Variants in CNTNAP2 observed in about 807,000 individuals in gnomAD.
The protein encoded by CNTNAP2 is contactin-associated protein-like 2.
In CNTNAP2, 98 loss-of-function variants were observed where a neutral mutation model predicts 155.2. That is an observed-to-expected ratio of 0.63 (90% CI 0.54 to 0.75). The LOEUF (loss-of-function observed/expected upper bound fraction) is 0.75, where lower values mean the gene tolerates loss of function less well. Among genes scored for constraint, CNTNAP2 ranks in the 30% least tolerant of loss-of-function variants. The pLI, the probability that CNTNAP2 is intolerant of heterozygous loss-of-function variation, is 0.00. For missense variants in CNTNAP2, 1,727 were observed against 1,688.1 expected (o/e 1.02, Z -0.40); for synonymous variants, 651 against 631.2 (o/e 1.03, Z -0.47).
At chr7:147,324,121 G>A (rs564035246) in intron 9 of CNTNAP2, among the ~76,000 whole-genome samples, 29 of 152,194 alleles carry the variant, frequency 1.9e-4, no homozygotes, top group African/African-American at 6.5e-4. Context: ...TTTGGAATTA[G>A]GAAGCTGTCT....
At chr7:146,697,974 A>T (rs1246012830) in intron 1 of CNTNAP2, among the ~76,000 whole-genome samples, 7 of 151,920 alleles carry the variant, frequency 4.6e-5, no homozygotes, top group Non-Finnish European at 7.4e-5. Context: ...GTTTTTAGAG[A>T]TTACCTTAGC....
chr7:147,896,574 C>T (rs1024178484), intron 13 of CNTNAP2, among the ~76,000 whole-genome samples: 2 of 151,958 alleles, frequency 1.3e-5, no homozygotes, highest in African/African-American at 2.4e-5. Context: ...CACAGGGAGT[C>T]GAAGCTGTCT....
At chr7:147,196,229 T>C (rs886910861) in intron 8 of CNTNAP2, among the ~76,000 whole-genome samples, 1 of 152,138 alleles carries the variant, frequency 6.6e-6, no homozygotes, top group African/African-American at 2.4e-5. Context: ...CTGTGGTGCT[T>C]TGTTATGGCA....
chr7:147,922,162 C>T (rs1316394146), intron 14 of CNTNAP2, among the ~76,000 whole-genome samples: 1 of 152,048 alleles, frequency 6.6e-6, no homozygotes, highest in African/African-American at 2.4e-5. Context: ...TTACAAATAT[C>T]GAAAGGAAAA....
At chr7:147,294,178 C>T (rs1805372389) in intron 8 of CNTNAP2, among the ~76,000 whole-genome samples, 1 of 152,162 alleles carries the variant, frequency 6.6e-6, no homozygotes, top group South Asian at 2.1e-4. Flanking sequence ...TAAGGCAATT[C>T]TCCATTTTCC....
chr7:147,309,193 C>G (rs1435424390), intron 9 of CNTNAP2, among the ~76,000 whole-genome samples: 1 of 152,170 alleles, frequency 6.6e-6, no homozygotes, highest in Admixed American at 6.5e-5. Context: ...CTCTCATCCA[C>G]ATTTACATAG....
intron 8 of CNTNAP2, among the ~76,000 whole-genome samples, chr7:147,296,301 T>C (rs1805442682): frequency 6.6e-6 from 1 of 152,190 alleles, no homozygotes; most frequent in Non-Finnish European, 1.5e-5. Flanking sequence ...TACTTTGTAC[T>C]TTAAAGGGAA....
chr7:146,779,185 T>C (rs1585086443), intron 2 of CNTNAP2, among the ~76,000 whole-genome samples: 1 of 152,184 alleles, frequency 6.6e-6, no homozygotes, highest in East Asian at 1.9e-4. Context: ...CTCAGATGTA[T>C]CATTCCAGTT....
intron 9 of CNTNAP2, among the ~76,000 whole-genome samples, chr7:147,366,036 G>A (rs912490014): frequency 6.6e-6 from 1 of 152,114 alleles, no homozygotes; most frequent in Admixed American, 6.5e-5. Context: ...TATGGTGAAG[G>A]TCCTTTCCTT....
intron 21 of CNTNAP2, among the ~76,000 whole-genome samples, chr7:148,310,779 G>T (rs1398667550): frequency 6.6e-6 from 1 of 152,140 alleles, no homozygotes; most frequent in African/African-American, 2.4e-5. Context: ...GGGGTGTCTT[G>T]TACCCAGACT....
intron 1 of CNTNAP2, among the ~76,000 whole-genome samples, chr7:146,494,138 T>C (rs959268541): frequency 2.0e-5 from 3 of 152,040 alleles, no homozygotes; most frequent in Admixed American, 2.0e-4. Flanking sequence ...ATCGAGACCA[T>C]CCTGGCTAAC....
intron 18 of CNTNAP2, among the ~76,000 whole-genome samples, chr7:148,174,426 C>CCCG (rs1554400557): frequency 1.7e-3 from 252 of 152,126 alleles, no homozygotes; most frequent in African/African-American, 5.9e-3. Flanking sequence ...GACCGCCCCC[C>CCCG]ACCTCAGGCT....
chr7:146,828,669 G>C (rs1196940640), intron 2 of CNTNAP2, among the ~76,000 whole-genome samples: 1 of 151,812 alleles, frequency 6.6e-6, no homozygotes, highest in Admixed American at 6.6e-5. Flanking sequence ...TTTTCTCTTG[G>C]CCACAGTATT....
intron 1 of CNTNAP2, among the ~76,000 whole-genome samples, chr7:146,652,963 C>T (rs1799941754): frequency 6.6e-6 from 1 of 152,076 alleles, no homozygotes; most frequent in Non-Finnish European, 1.5e-5. Flanking sequence ...GTTGAAAAAG[C>T]CTTTCCTTTT....
rs181251615 is a variant in CNTNAP2 at position 146,784,594 on chromosome 7, C to T, written c.208+10213C>T. On this transcript the variant is annotated intron_variant, in intron 2 of 23. Coordinates refer to ENST00000361727, the MANE Select transcript of CNTNAP2 (RefSeq NM_014141.6). Reference sequence around the variant, plus strand: ...ATTGTTGATATGGATCTAGATTTTTCGTTACCCATAGGAGACATCTTGGGC... The same window carrying T: ...ATTGTTGATATGGATCTAGATTTTTTGTTACCCATAGGAGACATCTTGGGC... Among the ~76,000 whole-genome samples the T allele has an allele frequency of 2.8e-3, 422 of 152,266 alleles. 1 individual carries two copies. The highest frequency in any genetic ancestry group is 4.4e-3 in the Non-Finnish European group (298 of 68,016).
intron 3 of CNTNAP2, among the ~76,000 whole-genome samples, chr7:146,924,737 AT>A (rs1796571089): frequency 1.3e-5 from 2 of 152,076 alleles, no homozygotes; most frequent in South Asian, 4.1e-4. Context: ...TCTAATCTTA[AT>A]TGTAGTTCTC....
intron 13 of CNTNAP2, among the ~76,000 whole-genome samples, chr7:147,645,039 T>G (rs1156686869): frequency 6.6e-6 from 1 of 152,256 alleles, no homozygotes; most frequent in Non-Finnish European, 1.5e-5. Context: ...TACTGCTTCT[T>G]TTGTTGAAAG....
intron 9 of CNTNAP2, among the ~76,000 whole-genome samples, chr7:147,383,200 C>T (rs1796567210): frequency 6.6e-6 from 1 of 152,066 alleles, no homozygotes; most frequent in Admixed American, 6.6e-5. Flanking sequence ...TCTCTCCTGG[C>T]TCTGTATCCG....
At chr7:146,322,385 C>T (rs1801019423) in intron 1 of CNTNAP2, among the ~76,000 whole-genome samples, 1 of 152,108 alleles carries the variant, frequency 6.6e-6, no homozygotes, top group South Asian at 2.1e-4. Flanking sequence ...TAAAAATGTG[C>T]ATGATGTTTA....
Sources: gnomAD v4.1 joint callset for allele counts (sites outside exome capture counted in the v4.1 genomes callset) on GRCh38, gnomAD v4.1.1 for gene constraint, MANE v1.5 for transcripts, NCBI Gene and HGNC (gene_info 2026-07-23, HGNC 2026-07-21) for gene names.